The following RPS6KA2 variants were observed in gnomAD, a reference collection of about 807,000 sequenced individuals.
RPS6KA2 encodes the protein ribosomal protein S6 kinase A2.
Under a neutral mutation model 91.8 loss-of-function variants are expected in RPS6KA2, and 42 were observed. The observed-to-expected ratio is 0.46, with a 90% CI of 0.36 to 0.59. The LOEUF (loss-of-function observed/expected upper bound fraction) is 0.59, where lower values mean the gene tolerates loss of function less well. Ranked by LOEUF, RPS6KA2 falls within the 20% of genes least tolerant of loss-of-function variation. The pLI, the probability that RPS6KA2 is intolerant of heterozygous loss-of-function variation, is 0.00. For missense variants in RPS6KA2, 798 were observed against 978.5 expected (o/e 0.82, Z 2.46); for synonymous variants, 414 against 393.6 (o/e 1.05, Z -0.61).
chr6:166,763,257 G>A (rs1043507918), intron 2 of RPS6KA2, among the ~76,000 whole-genome samples: 5 of 152,184 alleles, frequency 3.3e-5, no homozygotes, highest in Non-Finnish European at 7.3e-5. Context: ...TCATTAAAGG[G>A]TTACATTAAG....
intron 2 of RPS6KA2, among the ~76,000 whole-genome samples, chr6:166,835,903 T>A: frequency 6.6e-6 from 1 of 152,244 alleles, no homozygotes; most frequent in Non-Finnish European, 1.5e-5. Flanking sequence ...GTTTCTTTTT[T>A]ATCCATAATT....
intron 2 of RPS6KA2, among the ~76,000 whole-genome samples, chr6:166,656,659 C>T (rs1019402083): frequency 3.9e-5 from 6 of 152,226 alleles, no homozygotes; most frequent in African/African-American, 1.4e-4. Flanking sequence ...GAGCTCCCAG[C>T]TGAGGTCGCA....
rs888947585 is a variant in RPS6KA2 at position 166,557,271 on chromosome 6, G to A, written c.100-18487C>T. Among the ~76,000 whole-genome samples, 3 of 152,222 alleles carry A rather than the reference G, an allele frequency of 2.0e-5. No homozygotes were observed. Among genetic ancestry groups the A allele is most frequent in the African/African-American group, 4.8e-5 (2 of 41,456 alleles). On this transcript the variant is annotated intron_variant, in intron 1 of 20. Transcript: ENST00000265678. This position sits in a 1 kb window ranked among gnomAD's most constrained non-coding sequence, Gnocchi z 4.8. The stretch of plus-strand genomic sequence containing the variant: ...GGTAGCTCCTGCCGGGGTGAGGACC[G>A]TGGGCGCGGAGCATGCTTCCCAAGA...
At chr6:166,693,254 G>A (rs1313171174) in intron 2 of RPS6KA2, among the ~76,000 whole-genome samples, 2 of 152,224 alleles carry the variant, frequency 1.3e-5, no homozygotes, top group Non-Finnish European at 1.5e-5. Flanking sequence ...ATCACTGCCT[G>A]TGAAATCCAG....
intron 19 of RPS6KA2, among the ~76,000 whole-genome samples, chr6:166,414,317 C>T (rs1011088252): frequency 1.3e-5 from 2 of 152,142 alleles, no homozygotes; most frequent in Non-Finnish European, 2.9e-5. Flanking sequence ...GATGCACATA[C>T]TTACATTTTT....
intron 2 of RPS6KA2, among the ~76,000 whole-genome samples, chr6:166,661,938 C>A (rs1179496863): frequency 6.6e-6 from 1 of 152,166 alleles, no homozygotes; most frequent in African/African-American, 2.4e-5. Context: ...TCGTACATAT[C>A]TCTCCCTTTA....
At chr6:166,547,408 T>G (rs563318491) in intron 1 of RPS6KA2, among the ~76,000 whole-genome samples, 37 of 152,314 alleles carry the variant, frequency 2.4e-4, no homozygotes, top group African/African-American at 8.9e-4. Flanking sequence ...CCCAAAATGG[T>G]TCTGAAAGGT....
intron 11 of RPS6KA2, among the ~76,000 whole-genome samples, chr6:166,464,655 T>G (rs1780454575): frequency 6.6e-6 from 1 of 152,200 alleles, no homozygotes; most frequent in South Asian, 2.1e-4. Flanking sequence ...TTACGAAGCT[T>G]TTTTTGGGTT....
At chr6:166,710,670 T>A (rs1789820544) in intron 2 of RPS6KA2, among the ~76,000 whole-genome samples, 1 of 152,204 alleles carries the variant, frequency 6.6e-6, no homozygotes, top group South Asian at 2.1e-4. Context: ...TGTATTTCCC[T>A]ATTCTTCCCA....
Position 166,802,073 on chromosome 6 carries a change from C to T in RPS6KA2, c.123+56127G>A, listed in dbSNP as rs572836979. On this transcript the variant is annotated intron_variant, in intron 2 of 21. Coordinates refer to the RPS6KA2 transcript ENST00000503859. Reference sequence around the variant, plus strand: ...GAGATCGAGACCATCCTGGCTAACACGGTGAAACCCCATCTCTACTAAAAA... The same window carrying T: ...GAGATCGAGACCATCCTGGCTAACATGGTGAAACCCCATCTCTACTAAAAA... Among the ~76,000 whole-genome samples, 84 of 152,006 alleles carry T rather than the reference C, an allele frequency of 5.5e-4. 1 individual carries two copies. Among genetic ancestry groups the T allele is most frequent in the South Asian group, 6.2e-4 (3 of 4,814 alleles).
intron 2 of RPS6KA2, among the ~76,000 whole-genome samples, chr6:166,654,907 G>A (rs1787961532): frequency 6.6e-6 from 1 of 152,026 alleles, no homozygotes; most frequent in African/African-American, 2.4e-5. Context: ...TAGGATGTGG[G>A]GCAATAGCTC....
At chr6:166,762,434 G>A (rs148081777) in intron 2 of RPS6KA2, among the ~76,000 whole-genome samples, 52 of 152,290 alleles carry the variant, frequency 3.4e-4, no homozygotes, top group African/African-American at 1.2e-3. Context: ...GGAATATGAA[G>A]TTCAAATTCC....
At chr6:166,534,697 C>T (rs560199543) in intron 2 of RPS6KA2, among the ~76,000 whole-genome samples, 25 of 152,174 alleles carry the variant, frequency 1.6e-4, no homozygotes, top group Admixed American at 3.9e-4. Context: ...GACTGATGGT[C>T]GTGGCTAATG....
In RPS6KA2 at chr6:166,585,120, AAAG is replaced by A. The variant is rs1785128004; in HGVS notation, c.99+41798_99+41800del. 5.9e-5 allele frequency among the ~76,000 whole-genome samples: 9 copies of A among 152,346 alleles called. No individual in the cohort carries two copies. The South Asian group carries it at 1.7e-3, about 28-fold the overall frequency. On this transcript the variant is annotated intron_variant, in intron 1 of 20. Coordinates refer to ENST00000265678, the MANE Select transcript of RPS6KA2 (RefSeq NM_021135.6). Reference sequence around the variant, plus strand: ...TGGGGTGCAGGAAGCTCGAGTTTCAAAAGAAGATCATAAGTAACACATTTTTCC... The same window carrying A: ...TGGGGTGCAGGAAGCTCGAGTTTCAAAAGATCATAAGTAACACATTTTTCC...
chr6:166,589,963 C>G (rs950214314), intron 1 of RPS6KA2, among the ~76,000 whole-genome samples: 1 of 152,036 alleles, frequency 6.6e-6, no homozygotes, highest in Non-Finnish European at 1.5e-5. Flanking sequence ...ACACAGAAAA[C>G]AAGAACAGGA....
At chr6:166,793,051 G>A (rs1019434363) in intron 2 of RPS6KA2, among the ~76,000 whole-genome samples, 31 of 152,026 alleles carry the variant, frequency 2.0e-4, no homozygotes, top group African/African-American at 7.3e-4. Context: ...ATTAGGAAAA[G>A]AGGAAGTCAA....
intron 1 of RPS6KA2, among the ~76,000 whole-genome samples, chr6:166,575,896 A>G (rs544309102): frequency 6.6e-6 from 1 of 152,370 alleles, no homozygotes; most frequent in East Asian, 1.9e-4. Flanking sequence ...CAAATAAAGC[A>G]AAATAGGTGA....
intron 2 of RPS6KA2, among the ~76,000 whole-genome samples, chr6:166,793,367 T>C (rs1270377127): frequency 6.8e-6 from 1 of 147,976 alleles, no homozygotes; most frequent in East Asian, 2.0e-4. Context: ...TACAAACAAA[T>C]GGAAGAACAT....
chr6:166,681,776 C>G (rs184693868), intron 2 of RPS6KA2, among the ~76,000 whole-genome samples: 171 of 140,234 alleles, frequency 1.2e-3, no homozygotes, highest in Non-Finnish European at 2.1e-3. Context: ...CTTGTTTGAC[C>G]CTTGTGGCCC....
Sources: gnomAD v4.1 joint callset for allele counts (sites outside exome capture counted in the v4.1 genomes callset) on GRCh38, gnomAD v4.1.1 for gene constraint, Gnocchi (gnomAD v3.1) non-coding constraint, MANE v1.5 for transcripts, NCBI Gene and HGNC (gene_info 2026-07-23, HGNC 2026-07-21) for gene names.